Variants in P2RX5 observed in about 807,000 individuals in gnomAD.
The protein encoded by P2RX5 is purinergic receptor P2X 5, also known as P2X purinoceptor 5.
A neutral mutation model predicts 54.1 loss-of-function variants in P2RX5; 46 were observed. The observed-to-expected ratio is 0.85, with a 90% CI of 0.67 to 1.09. The LOEUF is 1.09. Ranked by LOEUF, P2RX5 falls within the 50% of genes least tolerant of loss-of-function variation. The pLI is 0.00. For missense variants in P2RX5, 566 were observed against 549.8 expected (o/e 1.03, Z -0.29); for synonymous variants, 226 against 226.4 (o/e 1.00, Z 0.02).
the P2RX5 span, chr17:3,717,742 A>C: frequency 6.6e-6 from 1 of 152,232 alleles, no homozygotes; most frequent in Admixed American, 6.5e-5. Flanking sequence ...TGGTTGACCT[A>C]AAGTTGACCT....
the P2RX5 span, among the ~76,000 whole-genome samples, chr17:3,710,925 C>CAA: frequency 1.3e-4 from 20 of 151,900 alleles, no homozygotes; most frequent in African/African-American, 4.8e-4. Context: ...GACCCTGTCT[C>CAA]AAAAAAACAA....
chr17:3,710,075 C>T, the P2RX5 span, among the ~76,000 whole-genome samples: 1 of 151,906 alleles, frequency 6.6e-6, no homozygotes, highest in East Asian at 2.0e-4. Flanking sequence ...AACCAAATAC[C>T]CCTCCTTGTA....
the P2RX5 span, chr17:3,714,795 G>T: frequency 1.0e-6 from 1 of 984,696 alleles, no homozygotes; most frequent in African/African-American, 1.6e-5. Flanking sequence ...AAGGATGCTG[G>T]GTCTCCAAGT....
chr17:3,673,746 A>T lies in P2RX5; in HGVS notation c.*122T>A. The T allele has an allele frequency of 6.2e-7, 1 of 1,608,668 alleles. No individual in the cohort carries two copies. Among genetic ancestry groups the T allele is most frequent in the South Asian group, 1.1e-5 (1 of 90,344 alleles). ...TGATGGCTGGTCCCTGTGATGTGGC[A>T]TTGATAGCACCCAATGTACAAATTT... is the stretch of plus-strand genomic sequence containing the variant. On this transcript the variant is annotated 3_prime_UTR_variant, in exon 12 of 12. Transcript: ENST00000225328.
At chr17:3,683,598 C>T (rs984535521) in intron 9 of P2RX5, among the ~76,000 whole-genome samples, 8 of 152,132 alleles carry the variant, frequency 5.3e-5, no homozygotes, top group Admixed American at 1.3e-4. Flanking sequence ...GGCGCGGTGG[C>T]GCACGCCTGT....
upstream of P2RX5, among the ~76,000 whole-genome samples, chr17:3,697,043 G>C (rs2050772742): frequency 6.6e-6 from 1 of 151,842 alleles, no homozygotes; most frequent in Non-Finnish European, 1.5e-5. Flanking sequence ...AGCTGCTGCA[G>C]GTTTAAAAGC....
At chr17:3,722,811 A>G in the P2RX5 span, among the ~76,000 whole-genome samples, 1 of 152,180 alleles carries the variant, frequency 6.6e-6, no homozygotes, top group Admixed American at 6.5e-5. Flanking sequence ...TGTTATTTTT[A>G]ATAAGCAGGG....
At chr17:3,714,779 A>G in the P2RX5 span, 15 of 854,758 alleles carry the variant, frequency 1.8e-5, 1 homozygote, top group Non-Finnish European at 7.8e-6. Context: ...AGGAAAAAGT[A>G]ATGCAAAGGA....
At chr17:3,692,119 ACAGTGAAAC>A in intron 1 of P2RX5, 1 of 297,678 alleles carries the variant, frequency 3.4e-6, no homozygotes, top group Non-Finnish European at 6.4e-6. Context: ...CCTGGCTAAC[ACAGTGAAAC>A]CCTGTCTCTA....
At chr17:3,714,974 G>A in the P2RX5 span, 1 of 1,309,166 alleles carries the variant, frequency 7.6e-7, no homozygotes, top group Non-Finnish European at 1.1e-6. Context: ...TCCAGTTACA[G>A]GCCAAAGATA....
chr17:3,713,519 G>A, the P2RX5 span, among the ~76,000 whole-genome samples: 1 of 152,168 alleles, frequency 6.6e-6, no homozygotes, highest in Non-Finnish European at 1.5e-5. Context: ...GGGAGGCTGA[G>A]GCAGGTGGAT....
the P2RX5 span, among the ~76,000 whole-genome samples, chr17:3,706,233 A>G: frequency 1.5e-3 from 229 of 151,836 alleles, 1 homozygote; most frequent in Middle Eastern, 3.4e-3. Flanking sequence ...GATTACAGGC[A>G]TGAGTCATCA....
intron 1 of P2RX5, among the ~76,000 whole-genome samples, chr17:3,693,910 G>A (rs745566986): frequency 3.8e-4 from 57 of 151,268 alleles, no homozygotes; most frequent in Middle Eastern, 3.4e-3. Flanking sequence ...GATTACATGC[G>A]CTCGCCACCA....
upstream of P2RX5, among the ~76,000 whole-genome samples, chr17:3,699,033 TTGTC>T (rs1331027268): frequency 6.1e-5 from 7 of 113,828 alleles, no homozygotes; most frequent in South Asian, 2.1e-3. Context: ...TAGCAAAACT[TTGTC>T]TATATATATA....
At chr17:3,689,945 A>C (rs544434020) in intron 6 of P2RX5, 125 bp downstream of exon 6, 10 of 926,558 alleles carry the variant, frequency 1.1e-5, no homozygotes, top group Middle Eastern at 2.2e-4. Context: ...CACACACGCG[A>C]ACACACGCAC....
At chr17:3,697,084 G>A (rs1597279364), upstream of P2RX5, among the ~76,000 whole-genome samples, 2 of 151,674 alleles carry the variant, frequency 1.3e-5, no homozygotes, top group Admixed American at 1.3e-4. Context: ...TGGTCAGGCA[G>A]GTCCCGAGTG....
the P2RX5 span, chr17:3,718,055 G>A: frequency 6.6e-6 from 1 of 152,224 alleles, no homozygotes; most frequent in African/African-American, 2.4e-5. Context: ...CCAAGTAGAG[G>A]TTAAGGGAGA....
rs2050296246 is a variant in P2RX5, at chr17:3,681,943, G to A, written c.1017C>T (p.Leu339=). The A allele has an allele frequency of 3.1e-6, 5 of 1,613,524 alleles. No homozygotes were observed. The highest frequency in any genetic ancestry group is 1.3e-5 in the African/African-American group (1 of 74,908). Residue 339 remains leucine (L), a synonymous_variant, in exon 10 of 12, where the codon CTC becomes CTT. Coordinates refer to ENST00000225328, the MANE Select transcript of P2RX5 (RefSeq NM_002561.4). ...AFFCDLVLIY[L]IKKREFYRDK... ...CACGGTAAAACTCTCTCTTTTTGATGAGGTAGATGAGTACCAGGTCGCAGA... is the reference window on the plus strand; with the variant it reads ...CACGGTAAAACTCTCTCTTTTTGATAAGGTAGATGAGTACCAGGTCGCAGA...
intron 1 of P2RX5, among the ~76,000 whole-genome samples, chr17:3,693,127 C>CA (rs34356240): frequency 0.42 from 43,046 of 101,578 alleles, 10,116 homozygotes; most frequent in East Asian, 0.75. Context: ...AGACATTTCT[C>CA]AAAAAAAAAA....
Sources: allele counts gnomAD v4.1 joint callset (sites outside exome capture counted in the v4.1 genomes callset), GRCh38; gene constraint gnomAD v4.1.1; transcripts MANE v1.5; gene names NCBI Gene and HGNC (gene_info 2026-07-23, HGNC 2026-07-21).